The following UBE2L6 variants were observed in gnomAD, a reference collection of about 807,000 sequenced individuals.
UBE2L6 encodes ubiquitin conjugating enzyme E2 L6, also known as ubiquitin/ISG15-conjugating enzyme E2 L6.
A neutral mutation model predicts 13.6 loss-of-function variants in UBE2L6; 11 were observed. The ratio of observed to expected loss-of-function variants is 0.81; its 90% CI spans 0.51 to 1.34. UBE2L6 has a LOEUF of 1.34. Among genes scored for constraint, UBE2L6 ranks in the 40% most tolerant of loss-of-function variants. The pLI, the probability that UBE2L6 is intolerant of heterozygous loss-of-function variation, is 0.00. For synonymous variants in UBE2L6, 74 were observed against 83.2 expected, an observed-to-expected ratio of 0.89 and a Z score of 0.60; for missense variants, 197 against 199.5, an observed-to-expected ratio of 0.99 and a Z score of 0.07.
At chr11:57,567,262 T>C (rs1945100046) in intron 1 of UBE2L6, 2 of 498,452 alleles carry the variant, frequency 4.0e-6, no homozygotes. Context: ...CAAGGACTTT[T>C]CCTGCACTGG....
At chr11:57,557,464 G>A (rs1243123376) in intron 2 of UBE2L6, among the ~76,000 whole-genome samples, 2 of 146,646 alleles carry the variant, frequency 1.4e-5, no homozygotes, top group Admixed American at 7.0e-5. Flanking sequence ...GCGTGATCTC[G>A]GCTCACCGCA....
intron 1 of UBE2L6, among the ~76,000 whole-genome samples, chr11:57,564,722 G>A (rs764384975): frequency 1.5e-4 from 23 of 152,092 alleles, no homozygotes; most frequent in Admixed American, 3.9e-4. Context: ...AGAATCACTT[G>A]AACCCACGAG....
At chr11:57,564,088 C>T (rs1325223267) in intron 1 of UBE2L6, among the ~76,000 whole-genome samples, 1 of 152,048 alleles carries the variant, frequency 6.6e-6, no homozygotes, top group Non-Finnish European at 1.5e-5. Context: ...TATCAATATC[C>T]AAACATGAGA....
intron 1 of UBE2L6, 57 bp from the exon 2 acceptor site, chr11:57,560,489 T>C: frequency 3.0e-6 from 4 of 1,320,934 alleles, no homozygotes; most frequent in Non-Finnish European, 4.4e-6. Flanking sequence ...TTCAGCCCCC[T>C]CCCCCTGCCC....
chr11:57,555,309 G>C (rs184326698), intron 2 of UBE2L6, among the ~76,000 whole-genome samples: 99 of 152,296 alleles, frequency 6.5e-4, no homozygotes, highest in African/African-American at 2.4e-3. Flanking sequence ...GCCTTAAAAG[G>C]AATGAAATTC....
At position 57,567,585 on chromosome 11, in the gene UBE2L6, C is replaced by T; in HGVS notation, c.27G>A (p.Lys9=). The change falls in exon 1 of 4, where the codon AAG becomes AAA. Residue 9 remains lysine (K), a splice_region_variant and synonymous_variant. Transcript: ENST00000287156. ...AAGGGGTCATCCTATACGCGGTTACCTTCACCACTCGCATGCTCGCCATCA... is the reference window on the plus strand; with the variant it reads ...AAGGGGTCATCCTATACGCGGTTACTTTCACCACTCGCATGCTCGCCATCA... MMASMRVV[K]ELEDLQKKPP... is the part of the protein sequence containing the mutation. 6.2e-7 allele frequency: 1 copy of T among 1,607,936 alleles called. No homozygotes were observed.
Position 57,552,304 on chromosome 11 carries a change from G to A in UBE2L6, c.*54C>T. 6.2e-7 allele frequency: 1 copy of A among 1,605,642 alleles called. No homozygotes were observed. Among genetic ancestry groups the A allele is most frequent in the Non-Finnish European group, 8.5e-7 (1 of 1,174,558 alleles). On this transcript the variant is annotated 3_prime_UTR_variant, in exon 4 of 4. Coordinates refer to ENST00000287156, the MANE Select transcript of UBE2L6 (RefSeq NM_004223.5). ...AGGGGGCTCTGGCCTCAGTCCATGA[G>A]GTGTGTCCGTCCGCTATGCCGAGGA...
chr11:57,557,067 CAAA>C (rs199843337), intron 2 of UBE2L6, among the ~76,000 whole-genome samples: 10 of 124,252 alleles, frequency 8.0e-5, no homozygotes, highest in Admixed American at 8.2e-5. Flanking sequence ...ACTCTGTCAC[CAAA>C]AAAAAAAAAA....
chr11:57,559,026 A>T (rs1159273258), intron 2 of UBE2L6, among the ~76,000 whole-genome samples: 1 of 152,158 alleles, frequency 6.6e-6, no homozygotes, highest in African/African-American at 2.4e-5. Context: ...TACTCTGCCA[A>T]ACGAGACCTT....
chr11:57,560,493 C>G (rs984177141), intron 1 of UBE2L6, 61 bp from the exon 2 acceptor site: 2 of 1,302,230 alleles, frequency 1.5e-6, no homozygotes, highest in South Asian at 1.2e-5. Context: ...GCCCCCTCCC[C>G]CTGCCCCAGC....
rs140725358 is a variant in UBE2L6, at chr11:57,560,393, G to A, written c.67C>T (p.Arg23Trp). The part of the protein sequence containing the change: ...DLQKKPPPYL[R>W]NLSSDDANVL... The stretch of plus-strand genomic sequence containing the variant: ...TTGGCATCATCGCTGGACAGGTTCC[G>A]CAGGTATGGGGGAGGCTTCTTCTGA... Residue 23 changes from arginine to tryptophan, a missense_variant, in exon 2 of 4, where the codon CGG becomes TGG. Coordinates refer to ENST00000287156, the MANE Select transcript of UBE2L6 (RefSeq NM_004223.5). 10 of 1,613,720 alleles carry A rather than the reference G, an allele frequency of 6.2e-6. No homozygotes were observed. The highest frequency in any genetic ancestry group is 1.3e-5 in the African/African-American group (1 of 74,888).
At position 57,566,955 on chromosome 11, in the gene UBE2L6, C is replaced by CA. The variant is rs1554991567; in HGVS notation, c.27+629_27+630insT. ...TGTGTTCATCTCTGCCCGCCCCCCC[C>CA]CCCCTCCTAGAACAGGGCCAGCACA... On this transcript the variant is annotated intron_variant, in intron 1 of 3. Transcript: ENST00000287156. 24 of 211,382 alleles carry CA rather than the reference C, an allele frequency of 1.1e-4. 3 individuals carry two copies. The highest frequency in any genetic ancestry group is 6.8e-4 in the Middle Eastern group (1 of 1,460). The allele number at this position is 211,382 out of a possible 1,614,324, so 13.1% of individuals were successfully genotyped here.
chr11:57,566,955 C>G lies in UBE2L6; in HGVS notation c.27+630G>C, dbSNP rs1171304065. 36 of 211,380 alleles carry G rather than the reference C, an allele frequency of 1.7e-4. 1 individual carries two copies. Among genetic ancestry groups the G allele is most frequent in the African/African-American group, 3.9e-4 (12 of 30,392 alleles). The allele number at this position is 211,380 out of a possible 1,614,324, so 13.1% of individuals were successfully genotyped here. On this transcript the variant is annotated intron_variant, in intron 1 of 3. Coordinates refer to ENST00000287156, the MANE Select transcript of UBE2L6 (RefSeq NM_004223.5). ...TGTGTTCATCTCTGCCCGCCCCCCC[C>G]CCCCTCCTAGAACAGGGCCAGCACA...
chr11:57,556,911 C>T (rs1440619872), intron 2 of UBE2L6, among the ~76,000 whole-genome samples: 1 of 151,988 alleles, frequency 6.6e-6, no homozygotes, highest in Non-Finnish European at 1.5e-5. Context: ...CATGATAAAA[C>T]CCCGCCTCCA....
At chr11:57,556,376 G>A (rs1169520331) in intron 2 of UBE2L6, among the ~76,000 whole-genome samples, 1 of 152,018 alleles carries the variant, frequency 6.6e-6, no homozygotes, top group Admixed American at 6.6e-5. Context: ...CCTGAGGTCG[G>A]GAGTTCAAGA....
At chr11:57,567,513 G>A in intron 1 of UBE2L6, 72 bp downstream of exon 1, 1 of 1,576,134 alleles carries the variant, frequency 6.3e-7, no homozygotes, top group Non-Finnish European at 8.6e-7. Context: ...GAGCCGCGGA[G>A]GGGATGGAGG....
At chr11:57,556,242 T>C (rs1944996296) in intron 2 of UBE2L6, among the ~76,000 whole-genome samples, 1 of 151,802 alleles carries the variant, frequency 6.6e-6, no homozygotes, top group Admixed American at 6.6e-5. Context: ...TCCCAGCACT[T>C]GGAGCCACCC....
intron 2 of UBE2L6, among the ~76,000 whole-genome samples, chr11:57,556,592 C>CAAAAAAAA (rs368936864): frequency 1.4e-5 from 1 of 73,692 alleles, no homozygotes; most frequent in Non-Finnish European, 2.4e-5. Context: ...AACTCCGTCT[C>CAAAAAAAA]AAAAAAAAAA....
intron 1 of UBE2L6, among the ~76,000 whole-genome samples, chr11:57,561,864 T>G (rs372332291): frequency 3.8e-4 from 58 of 152,246 alleles, no homozygotes; most frequent in African/African-American, 1.3e-3. Context: ...GGCCTTTTCT[T>G]GTTGGGGAAG....
Sources: allele counts gnomAD v4.1 joint callset (sites outside exome capture counted in the v4.1 genomes callset), GRCh38; gene constraint gnomAD v4.1.1; transcripts MANE v1.5; gene names NCBI Gene and HGNC (gene_info 2026-07-23, HGNC 2026-07-21).